The following RCSD1 variants were observed in gnomAD, a reference collection of about 807,000 sequenced individuals.
The protein encoded by RCSD1 is RCSD domain containing 1.
In RCSD1, 26 loss-of-function variants were observed where a neutral mutation model predicts 42.5. The observed-to-expected ratio is 0.61, with a 90% CI of 0.45 to 0.85. RCSD1 has a LOEUF of 0.85. Among genes scored for constraint, RCSD1 ranks in the 40% least tolerant of loss-of-function variants. The pLI is 0.00. For synonymous variants in RCSD1, 220 were observed against 212.2 expected (o/e 1.04, Z -0.32); for missense variants, 571 against 528.3 (o/e 1.08, Z -0.79).
At chr1:167,646,143 A>T (rs1378343195) in intron 1 of RCSD1, among the ~76,000 whole-genome samples, 2 of 152,216 alleles carry the variant, frequency 1.3e-5, no homozygotes, top group African/African-American at 4.8e-5. Context: ...TTTTCCATCT[A>T]GGAGCATGGA....
intron 1 of RCSD1, among the ~76,000 whole-genome samples, chr1:167,640,247 A>G (rs1657973497): frequency 6.6e-6 from 1 of 152,140 alleles, no homozygotes; most frequent in South Asian, 2.1e-4. Flanking sequence ...GATGTCTAAA[A>G]GCAGAGTGTC....
chr1:167,685,577 T>C, intron 3 of RCSD1, 67 bp downstream of exon 3: 3 of 1,366,114 alleles, frequency 2.2e-6, no homozygotes, highest in Non-Finnish European at 2.1e-6. Flanking sequence ...TGAGGAAAGT[T>C]TGGAGGAGGG....
intron 1 of RCSD1, among the ~76,000 whole-genome samples, chr1:167,676,495 T>C (rs552838787): frequency 3.3e-5 from 5 of 152,384 alleles, no homozygotes; most frequent in African/African-American, 1.2e-4. Flanking sequence ...CAGATCTGAC[T>C]CTGAATTTGT....
intron 1 of RCSD1, among the ~76,000 whole-genome samples, chr1:167,659,176 A>G (rs1043008000): frequency 2.0e-5 from 3 of 152,168 alleles, no homozygotes; most frequent in African/African-American, 4.8e-5. Context: ...AAGTTTGAGC[A>G]TCTTTTTATG....
At chr1:167,704,634 C>G (rs759995214) in intron 6 of RCSD1, 30 bp from the exon 7 acceptor site, 2 of 1,605,174 alleles carry the variant, frequency 1.2e-6, no homozygotes, top group African/African-American at 2.7e-5. Flanking sequence ...CACCATTTTC[C>G]TAATTAATTC....
intron 1 of RCSD1, among the ~76,000 whole-genome samples, chr1:167,632,316 A>T (rs1883577): frequency 4.6e-5 from 7 of 152,148 alleles, no homozygotes; most frequent in Non-Finnish European, 1.0e-4. Flanking sequence ...CTTGAAGAAA[A>T]GGATTGGAGA....
At chr1:167,635,790 G>A (rs1426452798) in intron 1 of RCSD1, among the ~76,000 whole-genome samples, 4 of 152,178 alleles carry the variant, frequency 2.6e-5, no homozygotes, top group African/African-American at 9.7e-5. Context: ...ATATGGTAAA[G>A]GGATAAACCA....
At chr1:167,697,027 A>C (rs751865739) in intron 5 of RCSD1, 72 bp from the exon 6 acceptor site, 37 of 1,406,274 alleles carry the variant, frequency 2.6e-5, no homozygotes, top group Non-Finnish European at 3.3e-5. Flanking sequence ...CTGACATTGA[A>C]AGTGCATACA....
chr1:167,636,974 C>T (rs1657876187), intron 1 of RCSD1, among the ~76,000 whole-genome samples: 1 of 152,202 alleles, frequency 6.6e-6, no homozygotes, highest in South Asian at 2.1e-4. Context: ...TATCTACCAG[C>T]TTGCTGACCC....
chr1:167,697,630 A>T lies in RCSD1; in HGVS notation c.1006A>T (p.Thr336Ser). The change falls in exon 6 of 7, where the codon ACA (threonine) becomes TCA (serine). Residue 336 changes from threonine to serine, a missense_variant. Thr to Ser is a moderately conservative substitution (Grantham distance 58). Coordinates refer to ENST00000367854, the MANE Select transcript of RCSD1 (RefSeq NM_052862.4). ...GGGACCTGAACATGACAGCCAAGAA[A>T]CAAAGAAGCTGGAGGAGGGAGCTGC... ...EVGPEHDSQE[T>S]KKLEEGAAVK... 6.2e-7 allele frequency: 1 copy of T among 1,607,406 alleles called. No individual in the cohort carries two copies. Among genetic ancestry groups the T allele is most frequent in the Non-Finnish European group, 8.5e-7 (1 of 1,177,038 alleles).
chr1:167,703,466 C>T (rs1213166799), intron 6 of RCSD1, among the ~76,000 whole-genome samples: 1 of 152,164 alleles, frequency 6.6e-6, no homozygotes, highest in Non-Finnish European at 1.5e-5. Flanking sequence ...CCAGCCTGGG[C>T]AACATGGCAC....
chr1:167,703,316 C>T (rs1407627490), intron 6 of RCSD1, among the ~76,000 whole-genome samples: 1 of 152,140 alleles, frequency 6.6e-6, no homozygotes, highest in Non-Finnish European at 1.5e-5. Context: ...CCTTGACCCT[C>T]CTCAGCCCCG....
At chr1:167,677,875 A>G (rs1388722007) in intron 1 of RCSD1, among the ~76,000 whole-genome samples, 1 of 152,236 alleles carries the variant, frequency 6.6e-6, no homozygotes, top group East Asian at 1.9e-4. Context: ...TCTAGTGGGA[A>G]AAATTATGAG....
Position 167,652,599 on chromosome 1 carries a change from A to G in RCSD1, c.6+22170A>G, listed in dbSNP as rs111362571. On this transcript the variant is annotated intron_variant, in intron 1 of 6. Transcript: ENST00000367854. Reference sequence around the variant, plus strand: ...TTTCTAATTACAAGAAAGTCAAACAACTTTAAAGCTAATGAACAGTACCTT... The same window carrying G: ...TTTCTAATTACAAGAAAGTCAAACAGCTTTAAAGCTAATGAACAGTACCTT... 5.3e-3 allele frequency among the ~76,000 whole-genome samples: 804 copies of G among 152,290 alleles called. 7 individuals carry two copies. The highest frequency in any genetic ancestry group is 0.018 in the African/African-American group (762 of 41,556).
intron 1 of RCSD1, among the ~76,000 whole-genome samples, chr1:167,639,928 A>C: frequency 6.6e-6 from 1 of 152,168 alleles, no homozygotes; most frequent in East Asian, 1.9e-4. Context: ...TTTCTGGGGG[A>C]GCCCCTTGGC....
chr1:167,667,465 A>G (rs902992706), intron 1 of RCSD1, among the ~76,000 whole-genome samples: 3 of 152,238 alleles, frequency 2.0e-5, no homozygotes, highest in Non-Finnish European at 4.4e-5. Flanking sequence ...TCAAGCAGCA[A>G]ACAGATATAT....
At chr1:167,690,164 C>G in intron 4 of RCSD1, 44 bp downstream of exon 4, 1 of 1,585,926 alleles carries the variant, frequency 6.3e-7, no homozygotes, top group Non-Finnish European at 8.7e-7. Flanking sequence ...TTATCTAACT[C>G]CACTTCTTAT....
At chr1:167,652,557 C>T (rs886820159) in intron 1 of RCSD1, among the ~76,000 whole-genome samples, 1 of 152,184 alleles carries the variant, frequency 6.6e-6, no homozygotes, top group African/African-American at 2.4e-5. Flanking sequence ...AGAGGACACA[C>T]ATTTTCTAAA....
intron 1 of RCSD1, among the ~76,000 whole-genome samples, chr1:167,657,347 C>T (rs1033041920): frequency 3.3e-5 from 5 of 152,068 alleles, no homozygotes; most frequent in African/African-American, 9.7e-5. Flanking sequence ...TTTCTTTTGT[C>T]CTGTGATTTG....
Sources: allele counts gnomAD v4.1 joint callset (sites outside exome capture counted in the v4.1 genomes callset), GRCh38; gene constraint gnomAD v4.1.1; transcripts MANE v1.5; gene names NCBI Gene and HGNC (gene_info 2026-07-23, HGNC 2026-07-21).